Variants in TMEM87A observed in about 807,000 individuals in gnomAD.
TMEM87A encodes Golgi-pH regulating cation channel.
Under a neutral mutation model 90.0 loss-of-function variants are expected in TMEM87A, and 50 were observed. That is an observed-to-expected ratio of 0.56 (90% CI 0.44 to 0.70). The LOEUF is 0.70. Ranked by LOEUF, TMEM87A falls within the 30% of genes least tolerant of loss-of-function variation. TMEM87A has a pLI of 0.00. For missense variants in TMEM87A, 577 were observed against 660.5 expected (o/e 0.87, Z 1.39); for synonymous variants, 226 against 226.7 (o/e 1.00, Z 0.03).
intron 3 of TMEM87A, among the ~76,000 whole-genome samples, chr15:42,264,700 T>TATATTC (rs35725330): frequency 3.9e-4 from 2 of 5,154 alleles, no homozygotes; most frequent in Non-Finnish European, 5.0e-3. Flanking sequence ...TATATATATA[T>TATATTC]TTTTTTTTTA....
rs539167971 is a variant in TMEM87A, at chr15:42,237,257, A to G, written c.868+175T>C. 1.3e-4 allele frequency among the ~76,000 whole-genome samples: 20 copies of G among 152,360 alleles called. 1 individual carries two copies. In the South Asian group the frequency reaches 4.1e-3, roughly 32 times the overall value. On this transcript the variant is annotated intron_variant, in intron 9 of 19. Coordinates refer to ENST00000389834, the MANE Select transcript of TMEM87A (RefSeq NM_015497.5). ...ATTTCAGTAAAATTAGTCTTACATCACTGAACTCATAAGATTAAAAACAAA... is the reference window on the plus strand; with the variant it reads ...ATTTCAGTAAAATTAGTCTTACATCGCTGAACTCATAAGATTAAAAACAAA...
intron 10 of TMEM87A, 31 bp from the exon 11 acceptor site, chr15:42,233,337 C>T (rs368001919): frequency 4.5e-6 from 7 of 1,552,626 alleles, no homozygotes; most frequent in Non-Finnish European, 5.3e-6. Flanking sequence ...TATTTGAGTA[C>T]ATATGGGACA....
rs1356085737 is a variant in TMEM87A, at chr15:42,220,529, T to C, written c.1404-394A>G. ...TCAGTAGACAGTCAACAAATGTTCA[T>C]TCATAAGGATATGTATCAAATAGAG... On this transcript the variant is annotated intron_variant, in intron 15 of 19. Coordinates refer to ENST00000389834, the MANE Select transcript of TMEM87A (RefSeq NM_015497.5). Among the ~76,000 whole-genome samples the C allele has an allele frequency of 2.0e-5, 3 of 152,380 alleles. No homozygotes were observed. In the East Asian group the frequency reaches 5.8e-4, roughly 29 times the overall value.
chr15:42,218,259 AAAT>A, intron 18 of TMEM87A, 61 bp downstream of exon 18: 1 of 1,521,220 alleles, frequency 6.6e-7, no homozygotes, highest in Non-Finnish European at 9.1e-7. Flanking sequence ...TGCTCATTTA[AAAT>A]AATAACAAAG....
intron 2 of TMEM87A, among the ~76,000 whole-genome samples, chr15:42,268,385 A>G (rs745789439): frequency 5.9e-5 from 9 of 152,326 alleles, no homozygotes; most frequent in Admixed American, 5.9e-4. Flanking sequence ...TTTATTGAGC[A>G]GGCTAGGTGC....
rs1369825531 is a variant in TMEM87A, at chr15:42,261,247, G to A, written c.408C>T (p.Thr136=). 1.9e-6 allele frequency: 3 copies of A among 1,612,414 alleles called. No homozygotes were observed. The highest frequency in any genetic ancestry group is 2.2e-5 in the East Asian group (1 of 44,832). Residue 136 remains threonine (T), a splice_region_variant and synonymous_variant, in exon 5 of 20, where the codon ACC becomes ACT. Transcript: ENST00000389834. The part of the protein sequence containing the change: ...QNCSELFKTQ[T]FSGDFMHRLP... ...GTCGATGCATAAAATCTCCAGAAAA[G>A]GTCTATAAAAGAAACACAAAACAAA...
At chr15:42,258,990 T>A (rs1042544573) in intron 6 of TMEM87A, 4 of 856,388 alleles carry the variant, frequency 4.7e-6, no homozygotes, top group African/African-American at 3.3e-5. Flanking sequence ...GGCATCTGAA[T>A]CTAGGAAAGA....
chr15:42,227,872 C>T, intron 13 of TMEM87A, 103 bp from the exon 14 acceptor site: 1 of 915,776 alleles, frequency 1.1e-6, no homozygotes, highest in Non-Finnish European at 1.8e-6. Context: ...ACCCCGAACC[C>T]CCAAATACAT....
Position 42,239,692 on chromosome 15 carries a change from A to G in TMEM87A, c.662T>C (p.Leu221Pro). 6.2e-7 allele frequency: 1 copy of G among 1,613,992 alleles called. No individual in the cohort carries two copies. Among genetic ancestry groups the G allele is most frequent in the Non-Finnish European group, 8.5e-7 (1 of 1,179,824 alleles). ...TACAATCATCAAGGGATAGTCTTCA[A>G]GTGTGAGGTATTCATAGGGACCCTT... ...EVKGPYEYLT[L>P]EDYPLMIFFM... is the part of the protein sequence containing the mutation. The change falls in exon 8 of 20, where the codon CTT (leucine) becomes CCT (proline). Residue 221 changes from leucine (L) to proline (P), a missense_variant. Coordinates refer to ENST00000389834, the MANE Select transcript of TMEM87A (RefSeq NM_015497.5).
chr15:42,273,174 G>T lies in TMEM87A; in HGVS notation c.144+81C>A, dbSNP rs1205291740. 7.9e-5 allele frequency: 124 copies of T among 1,561,128 alleles called. 1 individual carries two copies. Among genetic ancestry groups the T allele is most frequent in the Middle Eastern group, 5.3e-4 (3 of 5,678 alleles). On this transcript the variant is annotated intron_variant, in intron 1 of 19. Transcript: ENST00000389834. The stretch of plus-strand genomic sequence containing the variant: ...CACCCCTTTTGAAGAGACTTTTGCG[G>T]AACCTTCATGGACCCCTTGGGCCGC...
intron 2 of TMEM87A, among the ~76,000 whole-genome samples, chr15:42,268,395 C>T (rs1353408098): frequency 6.6e-6 from 1 of 152,154 alleles, no homozygotes; most frequent in Non-Finnish European, 1.5e-5. Flanking sequence ...AGGCTAGGTG[C>T]GGTAGCTCAC....
At chr15:42,268,886 C>T (rs766726352) in intron 2 of TMEM87A, among the ~76,000 whole-genome samples, 1 of 152,074 alleles carries the variant, frequency 6.6e-6, no homozygotes, top group East Asian at 1.9e-4. Context: ...CATAATAGTT[C>T]CACTGAGAGC....
At chr15:42,220,637 T>C (rs377078141) in intron 15 of TMEM87A, among the ~76,000 whole-genome samples, 1 of 129,600 alleles carries the variant, frequency 7.7e-6, no homozygotes, top group Non-Finnish European at 1.7e-5. Flanking sequence ...GGTAATTTAA[T>C]TTCAGTTTAC....
At chr15:42,251,793 G>A (rs1444119670) in intron 6 of TMEM87A, among the ~76,000 whole-genome samples, 1 of 152,212 alleles carries the variant, frequency 6.6e-6, no homozygotes, top group Non-Finnish European at 1.5e-5. Flanking sequence ...TGTCAGACAG[G>A]GACGTTTTAG....
chr15:42,251,496 G>C (rs994340696), intron 6 of TMEM87A, among the ~76,000 whole-genome samples: 1 of 152,142 alleles, frequency 6.6e-6, no homozygotes, highest in Admixed American at 6.6e-5. Flanking sequence ...CTAAGAGTCA[G>C]GTCCCTCAGC....
At chr15:42,251,347 T>C (rs2051081866) in intron 6 of TMEM87A, among the ~76,000 whole-genome samples, 1 of 152,224 alleles carries the variant, frequency 6.6e-6, no homozygotes, top group Non-Finnish European at 1.5e-5. Flanking sequence ...TTTTCAGCTT[T>C]TCTGCTCTGG....
At chr15:42,237,694 C>CTTT (rs66512609) in intron 8 of TMEM87A, 79 bp from the exon 9 acceptor site, 1,484 of 785,666 alleles carry the variant, frequency 1.9e-3, no homozygotes, top group Non-Finnish European at 2.2e-3. Context: ...TCAATATATA[C>CTTT]TTTTTTTTTT....
intron 3 of TMEM87A, among the ~76,000 whole-genome samples, chr15:42,264,824 G>C (rs2051370471): frequency 1.3e-5 from 2 of 151,638 alleles, no homozygotes; most frequent in Non-Finnish European, 1.5e-5. Flanking sequence ...TAGTACTCAA[G>C]AGTTATTTTT....
At chr15:42,217,653 G>A in intron 19 of TMEM87A, 150 bp downstream of exon 19, 1 of 664,170 alleles carries the variant, frequency 1.5e-6, no homozygotes, top group Non-Finnish European at 2.5e-6. Flanking sequence ...AACTCTATTA[G>A]TATTTCTATT....
Sources: allele counts gnomAD v4.1 joint callset (sites outside exome capture counted in the v4.1 genomes callset), GRCh38; gene constraint gnomAD v4.1.1; transcripts MANE v1.5; gene names NCBI Gene and HGNC (gene_info 2026-07-23, HGNC 2026-07-21).